Variants in PKD1L1 observed in about 807,000 individuals in gnomAD.
PKD1L1 encodes the protein polycystin 1 like 1, transient receptor potential channel interacting.
Under a neutral mutation model 323.4 loss-of-function variants are expected in PKD1L1, and 236 were observed. That is an observed-to-expected ratio of 0.73 (90% CI 0.66 to 0.81). The LOEUF is 0.81. Among genes scored for constraint, PKD1L1 ranks in the 40% least tolerant of loss-of-function variants. PKD1L1 has a pLI of 0.00. For synonymous variants in PKD1L1, 1,344 were observed against 1,335.0 expected, an observed-to-expected ratio of 1.01 and a Z score of -0.15; for missense variants, 3,320 against 3,508.0, an observed-to-expected ratio of 0.95 and a Z score of 1.35.
chr7:47,856,498 A>G (rs1785907911), intron 28 of PKD1L1, among the ~76,000 whole-genome samples: 1 of 152,210 alleles, frequency 6.6e-6, no homozygotes, highest in South Asian at 2.1e-4. Flanking sequence ...ATACGACAAG[A>G]CATCTTGTTC....
upstream of PKD1L1, among the ~76,000 whole-genome samples, chr7:47,949,587 G>A (rs142255648): frequency 2.2e-4 from 34 of 152,018 alleles, no homozygotes; most frequent in Non-Finnish European, 4.0e-4. Flanking sequence ...TCTCCATTAC[G>A]AAACATTTTC....
At chr7:47,787,228 A>C (rs759064734) in intron 56 of PKD1L1, among the ~76,000 whole-genome samples, 2 of 152,164 alleles carry the variant, frequency 1.3e-5, no homozygotes, top group African/African-American at 2.4e-5. Flanking sequence ...AGCTAAACTC[A>C]TGTTGCAGAA....
At chr7:47,860,509 G>T (rs1482996942) in intron 26 of PKD1L1, among the ~76,000 whole-genome samples, 1 of 152,254 alleles carries the variant, frequency 6.6e-6, no homozygotes, top group East Asian at 1.9e-4. Flanking sequence ...TAATGGCTTA[G>T]ATATACCTTT....
At chr7:47,824,223 A>G (rs1785199677) in intron 45 of PKD1L1, among the ~76,000 whole-genome samples, 1 of 152,166 alleles carries the variant, frequency 6.6e-6, no homozygotes, top group Non-Finnish European at 1.5e-5. Context: ...TCTTGCTGGA[A>G]AAATCTAGGA....
intron 24 of PKD1L1, among the ~76,000 whole-genome samples, chr7:47,867,488 C>T (rs1487176198): frequency 6.6e-6 from 1 of 152,150 alleles, no homozygotes; most frequent in Non-Finnish European, 1.5e-5. Flanking sequence ...TAGGCCAATA[C>T]CCAGAGTGGC....
At chr7:47,847,204 T>A in intron 31 of PKD1L1, 133 bp from the exon 32 acceptor site, 1 of 614,438 alleles carries the variant, frequency 1.6e-6, no homozygotes, top group East Asian at 3.3e-5. Context: ...AAAGACAGCA[T>A]CAAATTCTAG....
At chr7:47,902,177 G>A (rs1787106261) in intron 13 of PKD1L1, among the ~76,000 whole-genome samples, 1 of 152,194 alleles carries the variant, frequency 6.6e-6, no homozygotes, top group Non-Finnish European at 1.5e-5. Flanking sequence ...TCCTGTCCAG[G>A]CTGGGGTAGC....
chr7:47,954,243 G>C, the PKD1L1 span, among the ~76,000 whole-genome samples: 1 of 152,150 alleles, frequency 6.6e-6, no homozygotes, highest in Admixed American at 6.5e-5. Flanking sequence ...CCTCTGGTTA[G>C]CAGCGTATTT....
chr7:47,841,534 T>C (rs894781018), intron 34 of PKD1L1, among the ~76,000 whole-genome samples: 12 of 152,244 alleles, frequency 7.9e-5, no homozygotes, highest in South Asian at 4.1e-4. Flanking sequence ...GAATTATGAA[T>C]AGATTTAATT....
upstream of PKD1L1, among the ~76,000 whole-genome samples, chr7:47,951,910 G>GAA (rs1788210445): frequency 6.6e-6 from 1 of 152,064 alleles, no homozygotes; most frequent in African/African-American, 2.4e-5. Context: ...ACCTCCAAAT[G>GAA]GAGCTTCCCG....
At chr7:47,832,400 G>A (rs1785365656) in intron 41 of PKD1L1, among the ~76,000 whole-genome samples, 1 of 152,196 alleles carries the variant, frequency 6.6e-6, no homozygotes, top group Non-Finnish European at 1.5e-5. Context: ...CCTGAAGCTT[G>A]TTCACTCACA....
At chr7:47,853,346 G>T in intron 30 of PKD1L1, 119 bp from the exon 31 acceptor site, 1 of 709,682 alleles carries the variant, frequency 1.4e-6, no homozygotes, top group Non-Finnish European at 2.4e-6. Flanking sequence ...ACTGCAAGGA[G>T]GTAGCCTGGG....
chr7:47,876,369 C>G, intron 22 of PKD1L1, 152 bp from the exon 23 acceptor site: 1 of 866,062 alleles, frequency 1.2e-6, no homozygotes, highest in Non-Finnish European at 1.7e-6. Flanking sequence ...GCACTCCCAG[C>G]TGCCCAGAGC....
At chr7:47,943,851 G>A (rs1214966673) in intron 1 of PKD1L1, among the ~76,000 whole-genome samples, 2 of 152,078 alleles carry the variant, frequency 1.3e-5, no homozygotes, top group African/African-American at 2.4e-5. Flanking sequence ...AGCTTCCAGG[G>A]CTCCTCTTCC....
At chr7:47,930,987 G>C (rs1787757378) in intron 6 of PKD1L1, 117 bp downstream of exon 6, 1 of 1,081,020 alleles carries the variant, frequency 9.3e-7, no homozygotes, top group Admixed American at 2.6e-5. Context: ...GGACTCAACT[G>C]CAACTATAAT....
chr7:47,916,219 T>C (rs895219244), intron 7 of PKD1L1, among the ~76,000 whole-genome samples: 1 of 152,224 alleles, frequency 6.6e-6, no homozygotes, highest in Non-Finnish European at 1.5e-5. Flanking sequence ...AAAGCTATAA[T>C]GAGGCAACTG....
Position 47,882,062 on chromosome 7 carries a change from A to G in PKD1L1, c.3289T>C (p.Ser1097Pro), listed in dbSNP as rs772036722. 1 of 1,613,504 alleles carries G rather than the reference A, an allele frequency of 6.2e-7. No individual in the cohort carries two copies. The highest frequency in any genetic ancestry group is 8.5e-7 in the Non-Finnish European group (1 of 1,179,892). ...TCCTCGGCACTCAAGCTAGGTCCTG[A>G]TCCTGGAAAGCTGGTGTCCTTAGCT... is the stretch of plus-strand genomic sequence containing the variant. ...QPAKDTSFPG[S>P]GPSLSAEESP... Residue 1097 changes from serine (S) to proline (P), a missense_variant, in exon 20 of 57, where the codon TCA becomes CCA. Physicochemically the swap from Ser to Pro is moderately conservative, Grantham distance 74. Transcript: ENST00000289672.
upstream of PKD1L1, among the ~76,000 whole-genome samples, chr7:47,952,838 CTCTG>C (rs1788223930): frequency 6.6e-6 from 1 of 152,132 alleles, no homozygotes; most frequent in African/African-American, 2.4e-5. Flanking sequence ...AAAGTAGGTA[CTCTG>C]TCTTATATAA....
rs1485172349 is a variant in PKD1L1 at position 47,813,697 on chromosome 7, T to C, written c.7173+234A>G. On this transcript the variant is annotated intron_variant, in intron 48 of 56. Coordinates refer to ENST00000289672, the MANE Select transcript of PKD1L1 (RefSeq NM_138295.5). ...CCAGTCTCTAAGGCCAAAGAGTGAA[T>C]TGAAGAAACCTGCAGCAGAACGTCA... 6 of 643,438 alleles carry C rather than the reference T, an allele frequency of 9.3e-6. No homozygotes were observed. In the East Asian group the frequency reaches 1.4e-4, roughly 15 times the overall value. The allele number at this position is 643,438 out of a possible 1,614,324, so 39.9% of individuals were successfully genotyped here.
Sources: gnomAD v4.1 joint callset for allele counts (sites outside exome capture counted in the v4.1 genomes callset) on GRCh38, gnomAD v4.1.1 for gene constraint, MANE v1.5 for transcripts, NCBI Gene and HGNC (gene_info 2026-07-23, HGNC 2026-07-21) for gene names.